TAF1: variants seen among roughly 807,000 people sequenced by gnomAD.
The protein encoded by TAF1 is transcription initiation factor TFIID subunit 1.
In TAF1, 2 loss-of-function variants were observed where a neutral mutation model predicts 138.5. The observed-to-expected ratio is 0.01, with a 90% CI of 0.01 to 0.05. The LOEUF is 0.05. Ranked by LOEUF, TAF1 falls within the 10% of genes least tolerant of loss-of-function variation. TAF1 has a pLI of 1.00. For synonymous variants in TAF1, 437 were observed against 503.2 expected (o/e 0.87, Z 1.76); for missense variants, 709 against 1,478.0 (o/e 0.48, Z 8.53).
At position 71,382,522 on chromosome X, in the gene TAF1, T is replaced by C. The variant is rs1290050998; in HGVS notation, c.1538-14T>C. 1 of 1,199,815 alleles carries C rather than the reference T, an allele frequency of 8.3e-7. No individual in the cohort carries two copies. Among genetic ancestry groups the C allele is most frequent in the Non-Finnish European group, 1.1e-6 (1 of 892,461 alleles). On this transcript the variant is annotated splice_polypyrimidine_tract_variant and intron_variant, in intron 9 of 37. Coordinates refer to ENST00000423759, the MANE Select transcript of TAF1 (RefSeq NM_004606.5). Reference sequence around the variant, plus strand: ...CAGGGAGAGCAACTCAAGTGATTTTTGTTTTATTCTCAGAAATTCCTGATG... The same window carrying C: ...CAGGGAGAGCAACTCAAGTGATTTTCGTTTTATTCTCAGAAATTCCTGATG...
In TAF1 at chrX:71,382,745, G is replaced by T. The variant is rs756387241; in HGVS notation, c.1666-16G>T. The T allele has an allele frequency of 8.3e-7, 1 of 1,205,767 alleles. No homozygotes were observed. Among genetic ancestry groups the T allele is most frequent in the East Asian group, 3.0e-5 (1 of 33,808 alleles). On this transcript the variant is annotated splice_polypyrimidine_tract_variant and intron_variant, in intron 10 of 37. Transcript: ENST00000423759. Reference sequence around the variant, plus strand: ...AGGATAGTCTGACCGAGATTTGTTTGATTATCTATCATTAGAACATGTCTC... The same window carrying T: ...AGGATAGTCTGACCGAGATTTGTTTTATTATCTATCATTAGAACATGTCTC...
At chrX:71,369,711 T>C (rs2032885972) in intron 3 of TAF1, among the ~76,000 whole-genome samples, 1 of 107,678 alleles carries the variant, frequency 9.3e-6, no homozygotes, top group Admixed American at 9.9e-5. Flanking sequence ...GTTCATGCCA[T>C]TCTCTTGCCT....
At chrX:71,366,979 C>T (rs1016912291) in intron 1 of TAF1, among the ~76,000 whole-genome samples, 2 of 112,055 alleles carry the variant, frequency 1.8e-5, no homozygotes, top group Admixed American at 9.5e-5. Flanking sequence ...GGTCACAGTG[C>T]GCCTTTTAGG....
chrX:71,394,198 G>A lies in TAF1; in HGVS notation c.3359G>A (p.Arg1120His), dbSNP rs371501141. 3 of 1,211,792 alleles carry A rather than the reference G, an allele frequency of 2.5e-6. No homozygotes were observed. The highest frequency in any genetic ancestry group is 3.5e-5 in the South Asian group (2 of 56,972). ...AAGAAAACCAGCTCTCAGCTTTCAC[G>A]TGAACGGGAGGAACAGGAGCGGAAG... ...QNKKTSSQLS[R>H]EREEQERKEL... Residue 1120 changes from arginine to histidine, a missense_variant, in exon 22 of 38, where the codon CGT becomes CAT. Transcript: ENST00000423759.
chrX:71,375,237 A>G lies in TAF1; in HGVS notation c.423A>G (p.Pro141=), dbSNP rs1166490663. The change falls in exon 4 of 38, where the codon CCA becomes CCG. Residue 141 remains proline (P), a synonymous_variant. Coordinates refer to ENST00000423759, the MANE Select transcript of TAF1 (RefSeq NM_004606.5). ...IDCKLMPPPP[P]PPGPMKKDKD... is the part of the protein sequence containing the mutation. ...GCAAGTTGATGCCTCCTCCACCTCC[A>G]CCCCCGGGACCAATGAAGAAGGATA... The G allele has an allele frequency of 2.5e-6, 3 of 1,210,494 alleles. No homozygotes were observed. The highest frequency in any genetic ancestry group is 1.1e-6 in the Non-Finnish European group (1 of 895,215).
intron 13 of TAF1, among the ~76,000 whole-genome samples, chrX:71,482,892 C>T (rs1484453859): frequency 8.9e-6 from 1 of 112,301 alleles, no homozygotes; most frequent in Non-Finnish European, 1.9e-5. Flanking sequence ...GTGTTATCAA[C>T]TAGGTTTATG....
intron 13 of TAF1, among the ~76,000 whole-genome samples, chrX:71,498,121 C>A (rs1310977943): frequency 2.7e-5 from 3 of 111,752 alleles, no homozygotes; most frequent in Non-Finnish European, 5.6e-5. Context: ...GACCAGAGTG[C>A]CTGGACTTGA....
chrX:71,427,595 T>C (rs1382028566), intron 32 of TAF1, among the ~76,000 whole-genome samples: 1 of 110,919 alleles, frequency 9.0e-6, no homozygotes, highest in Non-Finnish European at 1.9e-5. Context: ...AAGAGAAAAA[T>C]TAAATAGCTA....
chrX:71,438,596 A>T (rs995685576), intron 32 of TAF1, among the ~76,000 whole-genome samples: 1 of 111,873 alleles, frequency 8.9e-6, no homozygotes, highest in Admixed American at 9.5e-5. Context: ...TCACATAATT[A>T]TCAGATATAG....
At chrX:71,508,066 T>TTCTC (rs369650229) in intron 13 of TAF1, among the ~76,000 whole-genome samples, 864 of 83,473 alleles carry the variant, frequency 0.01, 11 homozygotes, top group East Asian at 0.037. Context: ...TATATGAATA[T>TTCTC]TCTCTCTCTC....
intron 36 of TAF1, 131 bp downstream of exon 36, chrX:71,459,839 A>T: frequency 1.9e-6 from 2 of 1,067,276 alleles, no homozygotes; most frequent in East Asian, 6.3e-5. Flanking sequence ...CTATTAATAG[A>T]CCTGAGAGTA....
intron 21 of TAF1, among the ~76,000 whole-genome samples, chrX:71,393,855 G>T (rs2034703501): frequency 8.9e-6 from 1 of 112,010 alleles, no homozygotes; most frequent in South Asian, 3.7e-4. Context: ...TTATCAAGTT[G>T]TCTCCAGGAA....
chrX:71,382,510 T>A, intron 9 of TAF1, 26 bp from the exon 10 acceptor site: 1 of 1,199,564 alleles, frequency 8.3e-7, no homozygotes, highest in Non-Finnish European at 1.1e-6. Context: ...GGAGAGCAAC[T>A]CAAGTGATTT....
At chrX:71,416,412 G>C (rs1302848680) in intron 28 of TAF1, among the ~76,000 whole-genome samples, 8 of 108,253 alleles carry the variant, frequency 7.4e-5, no homozygotes, top group African/African-American at 2.7e-4. Context: ...AAGAAGAAAC[G>C]TGGCTTTCAG....
chrX:71,431,228 A>G (rs1212230962), intron 32 of TAF1, among the ~76,000 whole-genome samples: 1 of 107,962 alleles, frequency 9.3e-6, no homozygotes, highest in Non-Finnish European at 1.9e-5. Flanking sequence ...ACACCCAGCT[A>G]ATTTTTGTAT....
At chrX:71,511,924 G>A (rs768474012) in intron 13 of TAF1, among the ~76,000 whole-genome samples, 19 of 109,531 alleles carry the variant, frequency 1.7e-4, no homozygotes, top group African/African-American at 6.0e-4. Flanking sequence ...GCTGAGGTGG[G>A]AGAAACACTT....
chrX:71,464,081 G>C lies in TAF1; in HGVS notation c.*35G>C, dbSNP rs992007302. On this transcript the variant is annotated 3_prime_UTR_variant, in exon 38 of 38. Coordinates refer to ENST00000423759, the MANE Select transcript of TAF1 (RefSeq NM_004606.5). ...TGGGCCTCCTTGGTCAGCCTTCCCT[G>C]TTCTCCAGCCTAGGTGGTTCACCTT... is the stretch of plus-strand genomic sequence containing the variant. The C allele has an allele frequency of 1.8e-6, 2 of 1,139,164 alleles. No homozygotes were observed. Among genetic ancestry groups the C allele is most frequent in the African/African-American group, 3.6e-5 (2 of 55,477 alleles). 93.9% of individuals were successfully genotyped at this position (1,139,164 alleles called of 1,213,427 possible).
chrX:71,503,277 A>ATATATATATATATATATGTGTATAT (rs1556030877), intron 13 of TAF1, among the ~76,000 whole-genome samples: 5 of 90,167 alleles, frequency 5.5e-5, no homozygotes, highest in South Asian at 5.0e-4. Flanking sequence ...TCAAAAAAAA[A>ATATATATATATATATATGTGTATAT]ATATATATAT....
intron 32 of TAF1, among the ~76,000 whole-genome samples, chrX:71,444,376 T>A (rs756209441): frequency 9.0e-6 from 1 of 111,423 alleles, no homozygotes; most frequent in East Asian, 2.8e-4. Context: ...CATATATGAT[T>A]TGCAGAGATT....
Sources: allele counts gnomAD v4.1 joint callset (sites outside exome capture counted in the v4.1 genomes callset), GRCh38; gene constraint gnomAD v4.1.1; transcripts MANE v1.5; gene names NCBI Gene and HGNC (gene_info 2026-07-23, HGNC 2026-07-21).